Variants in PTPRM observed in about 807,000 individuals in gnomAD.
The protein encoded by PTPRM is receptor-type tyrosine-protein phosphatase mu.
A neutral mutation model predicts 186.7 loss-of-function variants in PTPRM; 47 were observed. The ratio of observed to expected loss-of-function variants is 0.25; its 90% confidence interval spans 0.20 to 0.32. The LOEUF (loss-of-function observed/expected upper bound fraction) is 0.32. Ranked by LOEUF, PTPRM falls within the 10% of genes least tolerant of loss-of-function variation. The pLI, the probability that PTPRM is intolerant of heterozygous loss-of-function variation, is 1.00. For missense variants in PTPRM, 1,494 were observed against 1,865.0 expected, an observed-to-expected ratio of 0.80 and a Z score of 3.66; for synonymous variants, 668 against 674.9, an observed-to-expected ratio of 0.99 and a Z score of 0.16.
chr18:7,855,560 A>G (rs1301554215), intron 2 of PTPRM, among the ~76,000 whole-genome samples: 2 of 152,198 alleles, frequency 1.3e-5, no homozygotes, highest in Admixed American at 1.3e-4. Context: ...TCCACCCTCT[A>G]CTAAATCTTA....
At chr18:8,149,656 TA>T (rs1368719431) in intron 14 of PTPRM, among the ~76,000 whole-genome samples, 1 of 147,644 alleles carries the variant, frequency 6.8e-6, no homozygotes, top group African/African-American at 2.5e-5. Flanking sequence ...CATGTAAGGT[TA>T]ATATTGTTAT....
intron 7 of PTPRM, among the ~76,000 whole-genome samples, chr18:8,035,851 A>AT (rs1291753567): frequency 1.3e-5 from 2 of 152,172 alleles, no homozygotes; most frequent in African/African-American, 4.8e-5. Context: ...TATCTCGATT[A>AT]TTTTTTAACA....
At chr18:8,358,894 C>T (rs891492506) in intron 23 of PTPRM, among the ~76,000 whole-genome samples, 4 of 152,132 alleles carry the variant, frequency 2.6e-5, no homozygotes, top group African/African-American at 9.7e-5. Context: ...GTGTACTGCC[C>T]TCCTTCTGTT....
At chr18:7,974,458 C>T (rs2054795919) in intron 7 of PTPRM, among the ~76,000 whole-genome samples, 1 of 152,200 alleles carries the variant, frequency 6.6e-6, no homozygotes, top group Admixed American at 6.5e-5. Flanking sequence ...TTAGGTCAGA[C>T]AGGAGCATCA....
At chr18:8,198,332 A>G (rs2093807721) in intron 14 of PTPRM, among the ~76,000 whole-genome samples, 1 of 152,072 alleles carries the variant, frequency 6.6e-6, no homozygotes, top group South Asian at 2.1e-4. Flanking sequence ...GTTTTTTTGT[A>G]GAGACAGGGT....
At chr18:7,966,748 C>T (rs1178070711) in intron 7 of PTPRM, among the ~76,000 whole-genome samples, 8 of 141,596 alleles carry the variant, frequency 5.6e-5, no homozygotes, top group East Asian at 2.0e-4. Context: ...CTTTTCAGAC[C>T]GGCTTAAAAA....
At chr18:8,191,914 G>GA (rs992745874) in intron 14 of PTPRM, among the ~76,000 whole-genome samples, 6 of 151,736 alleles carry the variant, frequency 4.0e-5, no homozygotes, top group African/African-American at 1.5e-4. Context: ...AACCTACAGG[G>GA]AAAAAAAGAT....
chr18:8,361,941 G>T (rs952302560), intron 23 of PTPRM, among the ~76,000 whole-genome samples: 1 of 152,218 alleles, frequency 6.6e-6, no homozygotes, highest in African/African-American at 2.4e-5. Context: ...AATATCGTGT[G>T]TGTGTTTCAA....
chr18:7,917,396 C>T (rs193067051), intron 4 of PTPRM, among the ~76,000 whole-genome samples: 237 of 152,116 alleles, frequency 1.6e-3, no homozygotes, highest in African/African-American at 5.3e-3. Flanking sequence ...ATTAGCCAGG[C>T]GTGGTGGCAG....
At chr18:8,300,500 C>T (rs1348988798) in intron 20 of PTPRM, among the ~76,000 whole-genome samples, 2 of 139,544 alleles carry the variant, frequency 1.4e-5, no homozygotes, top group Non-Finnish European at 3.0e-5. Flanking sequence ...TTCATTACTT[C>T]ATTAAAAAAA....
intron 1 of PTPRM, among the ~76,000 whole-genome samples, chr18:7,658,040 G>T (rs571732271): frequency 2.2e-4 from 33 of 152,186 alleles, no homozygotes; most frequent in African/African-American, 6.7e-4. Context: ...TTGTGGTAAG[G>T]AAAGTTAAGA....
chr18:8,348,051 G>C (rs773532761), intron 23 of PTPRM, among the ~76,000 whole-genome samples: 253 of 152,370 alleles, frequency 1.7e-3, no homozygotes, highest in Non-Finnish European at 3.0e-3. Flanking sequence ...TTTGTTTACA[G>C]ATAGCTCCTC....
At chr18:7,841,281 CTTTTTTTT>C (rs34688860) in intron 2 of PTPRM, among the ~76,000 whole-genome samples, 9 of 70,200 alleles carry the variant, frequency 1.3e-4, no homozygotes, top group African/African-American at 4.5e-4. Flanking sequence ...CAAATCATTT[CTTTTTTTT>C]TTTTTTTTTT....
At chr18:8,216,244 C>T (rs768867764) in intron 14 of PTPRM, among the ~76,000 whole-genome samples, 3 of 152,028 alleles carry the variant, frequency 2.0e-5, no homozygotes, top group Non-Finnish European at 4.4e-5. Context: ...TCTGTTTATG[C>T]ATATCCTCTG....
rs1414845128 is a variant in PTPRM at position 8,329,508 on chromosome 18, A to T, written c.2956+10294A>T. 1.3e-5 allele frequency among the ~76,000 whole-genome samples: 2 copies of T among 152,300 alleles called. 1 individual carries two copies. The highest frequency in any genetic ancestry group is 1.3e-4 in the Admixed American group (2 of 15,296). On this transcript the variant is annotated intron_variant, in intron 22 of 32. Coordinates refer to ENST00000580170, the MANE Select transcript of PTPRM (RefSeq NM_001105244.2). ...TCTTTCTCTCAGGTTCAGCCCTTTA[A>T]AAGGAGAGAGCTGAAACTAATACCC...
chr18:7,893,097 T>C (rs2049164035), intron 3 of PTPRM, among the ~76,000 whole-genome samples: 1 of 152,216 alleles, frequency 6.6e-6, no homozygotes, highest in South Asian at 2.1e-4. Context: ...TGTTGCTAAG[T>C]TTTTATTTTT....
At chr18:8,020,850 A>G (rs898305678) in intron 7 of PTPRM, among the ~76,000 whole-genome samples, 8 of 152,120 alleles carry the variant, frequency 5.3e-5, no homozygotes, top group African/African-American at 1.7e-4. Flanking sequence ...CAAGCACAGA[A>G]CCTGAACGTG....
chr18:8,379,400 A>G, intron 28 of PTPRM, 60 bp downstream of exon 28: 1 of 1,471,264 alleles, frequency 6.8e-7, no homozygotes, highest in Non-Finnish European at 9.1e-7. Flanking sequence ...ACTGCAGAAC[A>G]GGCTTGGGTC....
At position 7,949,264 on chromosome 18, in the gene PTPRM, T is replaced by C. The variant is rs1044995667; in HGVS notation, c.747T>C (p.Asn249=). 5 of 1,613,758 alleles carry C rather than the reference T, an allele frequency of 3.1e-6. No homozygotes were observed. Among genetic ancestry groups the C allele is most frequent in the East Asian group, 2.2e-5 (1 of 44,884 alleles). The stretch of plus-strand genomic sequence containing the variant: ...TCATTGCTTCATTTAATGTTGTGAA[T>C]ACCACCAAACGAGATGCTGGAAAGT... ...RRFIASFNVV[N]TTKRDAGKYR... is the part of the protein sequence containing the mutation. The change falls in exon 6 of 33, where the codon AAT becomes AAC. Residue 249 remains asparagine (N), a synonymous_variant. Coordinates refer to ENST00000580170, the MANE Select transcript of PTPRM (RefSeq NM_001105244.2).
Sources: gnomAD v4.1 joint callset for allele counts (sites outside exome capture counted in the v4.1 genomes callset) on GRCh38, gnomAD v4.1.1 for gene constraint, MANE v1.5 for transcripts, NCBI Gene and HGNC (gene_info 2026-07-23, HGNC 2026-07-21) for gene names.